SLC44A1: variants seen among roughly 807,000 people sequenced by gnomAD.
The protein encoded by SLC44A1 is choline transporter-like protein 1.
A neutral mutation model predicts 79.3 loss-of-function variants in SLC44A1; 26 were observed. The ratio of observed to expected loss-of-function variants is 0.33; its 90% CI spans 0.24 to 0.46. The LOEUF (loss-of-function observed/expected upper bound fraction) is 0.46, where lower values mean the gene tolerates loss of function less well. Among genes scored for constraint, SLC44A1 ranks in the 20% least tolerant of loss-of-function variants. The pLI, the probability that SLC44A1 is intolerant of heterozygous loss-of-function variation, is 1.00. For missense variants in SLC44A1, 688 were observed against 798.1 expected (o/e 0.86, Z 1.66); for synonymous variants, 263 against 286.2 (o/e 0.92, Z 0.82).
Position 105,393,725 on chromosome 9 carries a change from G to A in SLC44A1, c.*4669G>A. On this transcript the variant is annotated 3_prime_UTR_variant, in exon 16 of 16. Coordinates refer to ENST00000374720, the MANE Select transcript of SLC44A1 (RefSeq NM_080546.5). ...CAATTGCCACTTTGTAAATTATATG[G>A]ACAGAATGTGTTCTAAGGAAATTCG... 1 of 984,814 alleles carries A rather than the reference G, an allele frequency of 1.0e-6. No homozygotes were observed. Among genetic ancestry groups the A allele is most frequent in the Non-Finnish European group, 1.2e-6 (1 of 829,422 alleles). 61.0% of individuals were successfully genotyped at this position (984,814 alleles called of 1,614,324 possible). A position where few individuals can be genotyped will look rare whatever the true frequency, so the allele number is the denominator to read the frequency against.
chr9:105,410,579 G>A (rs1156908151), intron 15 of SLC44A1, among the ~76,000 whole-genome samples: 3 of 152,140 alleles, frequency 2.0e-5, no homozygotes, highest in Non-Finnish European at 4.4e-5. Flanking sequence ...AAGTGTTGAC[G>A]AGAACACTCA....
At chr9:105,343,397 A>G (rs1490162074) in intron 4 of SLC44A1, among the ~76,000 whole-genome samples, 2 of 152,232 alleles carry the variant, frequency 1.3e-5, no homozygotes, top group African/African-American at 4.8e-5. Context: ...AGATAATGCT[A>G]ATTGTGAATA....
intron 13 of SLC44A1, among the ~76,000 whole-genome samples, chr9:105,376,317 AC>A (rs1828282405): frequency 1.0e-4 from 1 of 9,648 alleles, no homozygotes; most frequent in Non-Finnish European, 4.1e-4. Flanking sequence ...ATATGTATAC[AC>A]ACACACACAC....
intron 3 of SLC44A1, among the ~76,000 whole-genome samples, chr9:105,312,117 A>G (rs1831197636): frequency 6.6e-6 from 1 of 152,136 alleles, no homozygotes; most frequent in African/African-American, 2.4e-5. Flanking sequence ...TCTTACTAAG[A>G]CCTTTATACA....
intron 1 of SLC44A1, among the ~76,000 whole-genome samples, chr9:105,251,778 G>C (rs1257708045): frequency 6.6e-6 from 1 of 152,188 alleles, no homozygotes; most frequent in Non-Finnish European, 1.5e-5. Flanking sequence ...TTAAGTTTCA[G>C]TCTGAAAGTC....
At chr9:105,408,772 G>C (rs748820150) in intron 15 of SLC44A1, among the ~76,000 whole-genome samples, 7 of 152,266 alleles carry the variant, frequency 4.6e-5, no homozygotes, top group Admixed American at 2.0e-4. Flanking sequence ...AATTATAAAT[G>C]TATCTGAATG....
chr9:105,315,018 C>T (rs1831282419), intron 3 of SLC44A1, among the ~76,000 whole-genome samples: 1 of 152,210 alleles, frequency 6.6e-6, no homozygotes. Flanking sequence ...TAAAATAGAT[C>T]TGGTGAGCTG....
intron 1 of SLC44A1, among the ~76,000 whole-genome samples, chr9:105,285,697 T>C (rs1024449585): frequency 1.8e-4 from 28 of 152,278 alleles, no homozygotes; most frequent in African/African-American, 5.8e-4. Context: ...TGGGGAGAAT[T>C]ACAAAGAACC....
intron 1 of SLC44A1, among the ~76,000 whole-genome samples, chr9:105,294,367 A>G (rs1010153932): frequency 7.9e-5 from 12 of 152,182 alleles, no homozygotes; most frequent in Non-Finnish European, 1.5e-5. Context: ...GTCTATGGCT[A>G]ATAAATTCTG....
intron 12 of SLC44A1, among the ~76,000 whole-genome samples, chr9:105,373,223 C>T (rs909132940): frequency 6.6e-6 from 1 of 152,156 alleles, no homozygotes; most frequent in Non-Finnish European, 1.5e-5. Context: ...CCAACAGTTT[C>T]CCAGCAATCT....
At chr9:105,319,713 A>G (rs1826325708) in intron 3 of SLC44A1, among the ~76,000 whole-genome samples, 2 of 152,188 alleles carry the variant, frequency 1.3e-5, no homozygotes, top group South Asian at 4.1e-4. Context: ...ACACTCCTAT[A>G]AGGCTTAGAA....
intron 12 of SLC44A1, among the ~76,000 whole-genome samples, chr9:105,366,783 T>A (rs1827954956): frequency 6.6e-6 from 1 of 152,176 alleles, no homozygotes. Context: ...CTTCATTTTT[T>A]AAGTTTTTCC....
intron 1 of SLC44A1, among the ~76,000 whole-genome samples, chr9:105,267,906 A>G (rs1829997048): frequency 6.6e-6 from 1 of 152,150 alleles, no homozygotes; most frequent in Non-Finnish European, 1.5e-5. Flanking sequence ...ACTAAGTGTC[A>G]GTATCGTTTG....
In SLC44A1 at chr9:105,244,886, C is replaced by A; in HGVS notation, c.18C>A (p.Ser6=). 8.5e-7 allele frequency: 1 copy of A among 1,174,132 alleles called. No individual in the cohort carries two copies. The highest frequency in any genetic ancestry group is 1.1e-6 in the Non-Finnish European group (1 of 952,128). The allele number at this position is 1,174,132 out of a possible 1,614,324, so 72.7% of individuals were successfully genotyped here. Residue 6 remains serine (S), a synonymous_variant, in exon 1 of 16, where the codon TCC becomes TCA. Coordinates refer to ENST00000374720, the MANE Select transcript of SLC44A1 (RefSeq NM_080546.5). MGCCS[S]ASSAAQSSKR... is the part of the protein sequence containing the mutation. ...GCCCCGCCATGGGCTGCTGCAGCTC[C>A]GCCTCCTCCGCCGCGCAGGTGAGGG...
chr9:105,430,246 T>C (rs1564061272), intron 15 of SLC44A1, among the ~76,000 whole-genome samples: 5 of 152,242 alleles, frequency 3.3e-5, no homozygotes, highest in Admixed American at 6.5e-5. Context: ...AATTATTTCA[T>C]AGTTATTTTC....
Position 105,395,510 on chromosome 9 carries a change from C to T in SLC44A1, c.*6454C>T, listed in dbSNP as rs1429071337. On this transcript the variant is annotated 3_prime_UTR_variant, in exon 16 of 16. Coordinates refer to ENST00000374720, the MANE Select transcript of SLC44A1 (RefSeq NM_080546.5). ...CTGGGATTACAGGCATGAGCCACCGCGCCCGGCCTAGAAGAGTTTTAATGA... is the reference window on the plus strand; with the variant it reads ...CTGGGATTACAGGCATGAGCCACCGTGCCCGGCCTAGAAGAGTTTTAATGA... The T allele has an allele frequency of 3.1e-5, 31 of 984,964 alleles. No homozygotes were observed. The highest frequency in any genetic ancestry group is 1.1e-4 in the East Asian group (1 of 8,822). The allele number at this position is 984,964 out of a possible 1,614,324, so 61.0% of individuals were successfully genotyped here. A position where few individuals can be genotyped will look rare whatever the true frequency, so the allele number is the denominator to read the frequency against.
chr9:105,267,433 AT>A (rs566615100), intron 1 of SLC44A1, among the ~76,000 whole-genome samples: 32 of 151,834 alleles, frequency 2.1e-4, no homozygotes, highest in South Asian at 4.2e-4. Flanking sequence ...TCTTTCTTGG[AT>A]TTTTTTCCCC....
chr9:105,250,133 C>G lies in SLC44A1; in HGVS notation c.36+5229C>G, dbSNP rs767534862. ...TCAAACTATGCTCCTGCCTTGGCCT[C>G]CCAAAGTGCTAGGATTATAGGTGTG... On this transcript the variant is annotated intron_variant, in intron 1 of 15. Coordinates refer to ENST00000374720, the MANE Select transcript of SLC44A1 (RefSeq NM_080546.5). Among the ~76,000 whole-genome samples, 8 of 152,058 alleles carry G rather than the reference C, an allele frequency of 5.3e-5. 1 individual carries two copies. Among genetic ancestry groups the G allele is most frequent in the Non-Finnish European group, 8.8e-5 (6 of 68,022 alleles).
intron 3 of SLC44A1, among the ~76,000 whole-genome samples, chr9:105,327,077 CAT>C (rs1564439363): frequency 6.6e-6 from 1 of 152,168 alleles, no homozygotes; most frequent in African/African-American, 2.4e-5. Context: ...TATAATCAGT[CAT>C]AAAGTTTTCT....
Sources: allele counts gnomAD v4.1 joint callset (sites outside exome capture counted in the v4.1 genomes callset), GRCh38; gene constraint gnomAD v4.1.1; transcripts MANE v1.5; gene names NCBI Gene and HGNC (gene_info 2026-07-23, HGNC 2026-07-21).